Variants in ACSS2 observed in about 807,000 individuals in gnomAD.
ACSS2 encodes the protein acetyl-coenzyme A synthetase, cytoplasmic.
Under a neutral mutation model 90.6 loss-of-function variants are expected in ACSS2, and 58 were observed. The ratio of observed to expected loss-of-function variants is 0.64; its 90% CI spans 0.52 to 0.80. ACSS2 has a LOEUF of 0.80. Among genes scored for constraint, ACSS2 ranks in the 30% least tolerant of loss-of-function variants. ACSS2 has a pLI of 0.00. For synonymous variants in ACSS2, 300 were observed against 330.9 expected (o/e 0.91, Z 1.01); for missense variants, 759 against 912.0 (o/e 0.83, Z 2.16).
At chr20:34,889,978 A>G (rs773694652) in intron 2 of ACSS2, among the ~76,000 whole-genome samples, 9 of 152,354 alleles carry the variant, frequency 5.9e-5, no homozygotes, top group Admixed American at 1.3e-4. Context: ...ATGTGAAGCC[A>G]GAGAACTGAG....
intron 2 of ACSS2, among the ~76,000 whole-genome samples, chr20:34,889,178 A>C (rs996632772): frequency 4.0e-5 from 6 of 151,726 alleles, no homozygotes; most frequent in African/African-American, 1.5e-4. Context: ...GCTGGAGTGC[A>C]GTGGCACAAT....
intron 8 of ACSS2, among the ~76,000 whole-genome samples, chr20:34,920,311 C>T (rs1330534009): frequency 6.6e-6 from 1 of 152,014 alleles, no homozygotes; most frequent in African/African-American, 2.4e-5. Flanking sequence ...TCTGAGGGTG[C>T]TGGTATGAAT....
chr20:34,887,631 C>T (rs1242489208), intron 2 of ACSS2, among the ~76,000 whole-genome samples: 1 of 152,152 alleles, frequency 6.6e-6, no homozygotes, highest in East Asian at 1.9e-4. Context: ...ATTGCAGCTA[C>T]TTGGGAGGCT....
At chr20:34,910,606 G>A (rs1034338307) in intron 2 of ACSS2, among the ~76,000 whole-genome samples, 2 of 152,218 alleles carry the variant, frequency 1.3e-5, no homozygotes, top group Non-Finnish European at 2.9e-5. Context: ...AGTGAGCTAT[G>A]ATTGTGCCTC....
intron 1 of ACSS2, among the ~76,000 whole-genome samples, chr20:34,877,380 A>G (rs2079941858): frequency 6.6e-6 from 1 of 152,170 alleles, no homozygotes; most frequent in Non-Finnish European, 1.5e-5. Flanking sequence ...AGTATATCGG[A>G]CATCCTAATG....
rs894157222 is a variant in ACSS2, at chr20:34,926,758, G to A, written c.1904-119G>A. 4.3e-6 allele frequency: 4 copies of A among 919,612 alleles called. No homozygotes were observed. The African/African-American group carries it at 6.6e-5, about 15-fold the overall frequency. 57.0% of individuals were successfully genotyped at this position (919,612 alleles called of 1,614,324 possible). Reference sequence around the variant, plus strand: ...CAAGAGAAGCAGTGAACCTGAGGCTGTCTCTGTGGGCAGGGACTTGAGGAG... The same window carrying A: ...CAAGAGAAGCAGTGAACCTGAGGCTATCTCTGTGGGCAGGGACTTGAGGAG... On this transcript the variant is annotated intron_variant, in intron 16 of 17. Coordinates refer to ENST00000360596, the MANE Select transcript of ACSS2 (RefSeq NM_018677.4).
intron 1 of ACSS2, among the ~76,000 whole-genome samples, chr20:34,877,818 CAAAAAAAAAAAAAAAA>C (rs60819156): frequency 1.8e-4 from 16 of 91,226 alleles, no homozygotes; most frequent in African/African-American, 4.3e-4. Flanking sequence ...GACTTTGTCT[CAAAAAAAAAAAAAAAA>C]AAAAAAAAAA....
chr20:34,911,396 C>T (rs991682673), intron 2 of ACSS2, among the ~76,000 whole-genome samples: 2 of 151,866 alleles, frequency 1.3e-5, no homozygotes, highest in Non-Finnish European at 2.9e-5. Flanking sequence ...CCATGTTGGT[C>T]AGGCTGGTCT....
chr20:34,924,306 C>A (rs1291575110), intron 14 of ACSS2, among the ~76,000 whole-genome samples: 2 of 152,064 alleles, frequency 1.3e-5, no homozygotes, highest in Non-Finnish European at 2.9e-5. Context: ...ACAGACAAAC[C>A]CAACAAACAT....
Position 34,921,561 on chromosome 20 carries a change from TC to T in ACSS2, c.1432del (p.Leu478PhefsTer7). 1 of 1,614,156 alleles carries T rather than the reference TC, an allele frequency of 6.2e-7. No homozygotes were observed. The highest frequency in any genetic ancestry group is 8.5e-7 in the Non-Finnish European group (1 of 1,180,020). ...QTETGGHMLT[P>X]LPGATPMKPG... Reference sequence around the variant, plus strand: ...TTCCCCAGGGTGGCCACATGTTGACTCCCCTTCCTGGTGCCACACCCATGAA... The same window carrying T: ...TTCCCCAGGGTGGCCACATGTTGACTCCCTTCCTGGTGCCACACCCATGAA... On this transcript the variant is annotated frameshift_variant, in exon 12 of 18. Coordinates refer to ENST00000360596, the MANE Select transcript of ACSS2 (RefSeq NM_018677.4). LOFTEE classifies it high-confidence loss of function.
At chr20:34,915,142 C>T (rs2081050680) in intron 7 of ACSS2, 1 of 1,516,500 alleles carries the variant, frequency 6.6e-7, no homozygotes, top group African/African-American at 1.4e-5. Context: ...GGGTTTATGA[C>T]ACACTGACCC....
At chr20:34,886,292 T>A (rs997506207) in intron 2 of ACSS2, among the ~76,000 whole-genome samples, 1 of 152,170 alleles carries the variant, frequency 6.6e-6, no homozygotes, top group African/African-American at 2.4e-5. Flanking sequence ...TATTTCCTTT[T>A]ATGTACGGAT....
chr20:34,881,323 C>T (rs1051294548), intron 1 of ACSS2, among the ~76,000 whole-genome samples: 28 of 151,978 alleles, frequency 1.8e-4, no homozygotes, highest in South Asian at 4.1e-4. Flanking sequence ...AGGAGTGAGC[C>T]ACAGTGCCTG....
In ACSS2 at chr20:34,919,461, G is replaced by C. The variant is rs377509627; in HGVS notation, c.861G>C (p.Leu287Phe). ...VQISWNQGID[L>F]WWHELMQEAG... ...TCTCATGGAACCAAGGGATTGACTT[G>C]TGGTGGCATGAGCTCATGCAAGAGG... The change falls in exon 8 of 18, where the codon TTG (leucine) becomes TTC (phenylalanine). Residue 287 changes from leucine to phenylalanine, a missense_variant. By Grantham distance (22) the Leu-to-Phe change is conservative. Transcript: ENST00000360596. 2 of 1,613,580 alleles carry C rather than the reference G, an allele frequency of 1.2e-6. No individual in the cohort carries two copies. The highest frequency in any genetic ancestry group is 8.5e-7 in the Non-Finnish European group (1 of 1,180,028).
intron 2 of ACSS2, among the ~76,000 whole-genome samples, chr20:34,889,705 G>C (rs2080288708): frequency 6.6e-6 from 1 of 152,202 alleles, no homozygotes; most frequent in South Asian, 2.1e-4. Context: ...GTGATAGATT[G>C]TGGTGATTTA....
chr20:34,908,361 C>T (rs1212644750), intron 2 of ACSS2, among the ~76,000 whole-genome samples: 1 of 152,132 alleles, frequency 6.6e-6, no homozygotes, highest in Non-Finnish European at 1.5e-5. Flanking sequence ...TGAAATCTAG[C>T]CATACTGTCT....
At chr20:34,923,880 T>A (rs7268774) in intron 14 of ACSS2, among the ~76,000 whole-genome samples, 5,147 of 141,128 alleles carry the variant, frequency 0.036, 297 homozygotes, top group African/African-American at 0.12. Context: ...GGGGATCATA[T>A]TTCAACATGA....
chr20:34,880,958 G>T (rs1265770943), intron 1 of ACSS2, among the ~76,000 whole-genome samples: 1 of 151,276 alleles, frequency 6.6e-6, no homozygotes. Flanking sequence ...AAATGAGGGG[G>T]TGATAATCTG....
At position 34,876,779 on chromosome 20, in the gene ACSS2, A is replaced by G. The variant is rs984380604; in HGVS notation, c.134A>G (p.Gln45Arg). The G allele has an allele frequency of 3.4e-5, 46 of 1,371,204 alleles. No homozygotes were observed. In the African/African-American group the frequency reaches 4.9e-4, roughly 14 times the overall value. The allele number at this position is 1,371,204 out of a possible 1,614,324, so 84.9% of individuals were successfully genotyped here. A position where few individuals can be genotyped will look rare whatever the true frequency, so the allele number is the denominator to read the frequency against. The change falls in exon 1 of 18, where the codon CAG becomes CGG. Residue 45 changes from glutamine to arginine, a missense_variant. By Grantham distance (43) the Gln-to-Arg change is conservative. Coordinates refer to ENST00000360596, the MANE Select transcript of ACSS2 (RefSeq NM_018677.4). ...CGCTCCGCGCACGTCCCCTCGCTGCAGCGCTACCGCGAGCTGCACCGGCGC... is the reference window on the plus strand; with the variant it reads ...CGCTCCGCGCACGTCCCCTCGCTGCGGCGCTACCGCGAGCTGCACCGGCGC... ...VSRSAHVPSL[Q>R]RYRELHRRSV... is the part of the protein sequence containing the mutation.
Sources: allele counts gnomAD v4.1 joint callset (sites outside exome capture counted in the v4.1 genomes callset), GRCh38; gene constraint gnomAD v4.1.1; transcripts MANE v1.5; gene names NCBI Gene and HGNC (gene_info 2026-07-23, HGNC 2026-07-21).